The following SLA2 variants were observed in gnomAD, a reference collection of about 807,000 sequenced individuals.
SLA2 encodes the protein Src like adaptor 2, also known as src-like-adapter 2.
SLA2 carries 22 observed loss-of-function variants against 27.3 expected under a neutral mutation model. That is an observed-to-expected ratio of 0.81 (90% CI 0.58 to 1.15). The LOEUF (loss-of-function observed/expected upper bound fraction) is 1.15, where lower values mean the gene tolerates loss of function less well. Ranked by LOEUF, SLA2 falls within the 50% of genes most tolerant of loss-of-function variation. The probability of loss-of-function intolerance (pLI) is 0.00; values close to 1 mark genes in which losing one functional copy is unlikely to be tolerated. For missense variants in SLA2, 304 were observed against 322.2 expected, an observed-to-expected ratio of 0.94 and a Z score of 0.43; for synonymous variants, 131 against 137.8, an observed-to-expected ratio of 0.95 and a Z score of 0.34.
At chr20:36,614,504 C>A (rs2039184163) in intron 6 of SLA2, 67 bp from the exon 7 acceptor site, 10 of 1,528,920 alleles carry the variant, frequency 6.5e-6, no homozygotes, top group Admixed American at 4.1e-5. Flanking sequence ...AGCCCTCACC[C>A]TGACAGCCCT....
At chr20:36,632,490 C>A in intron 5 of SLA2, 105 bp downstream of exon 5, 1 of 857,138 alleles carries the variant, frequency 1.2e-6, no homozygotes, top group South Asian at 1.5e-5. Flanking sequence ...ACTGAGAAGT[C>A]AGGCAAAGCC....
chr20:36,640,782 G>T (rs2039498892), intron 2 of SLA2, among the ~76,000 whole-genome samples: 1 of 152,184 alleles, frequency 6.6e-6, no homozygotes, highest in African/African-American at 2.4e-5. Flanking sequence ...CTCCCAAAGT[G>T]CTGGGATTAC....
intron 2 of SLA2, among the ~76,000 whole-genome samples, chr20:36,639,125 C>T (rs1404800003): frequency 2.6e-5 from 4 of 152,186 alleles, no homozygotes; most frequent in South Asian, 2.1e-4. Flanking sequence ...GGATTACAGG[C>T]GTGAGCCACT....
Position 36,632,613 on chromosome 20 carries a change from C to T in SLA2, c.364G>A (p.Glu122Lys), listed in dbSNP as rs1041261337. Residue 122 changes from glutamate to lysine, a missense_variant, in exon 5 of 8, where the codon GAG becomes AAG. Physicochemically the swap from Glu to Lys is moderately conservative, Grantham distance 56. Coordinates refer to ENST00000262866, the MANE Select transcript of SLA2 (RefSeq NM_032214.4). Reference sequence around the variant, plus strand: ...TACTCACCTCTCCTGGTCTGGCTCTCCCGGATGAGGAAGGCCCCTCCAGGG... The same window carrying T: ...TACTCACCTCTCCTGGTCTGGCTCTTCCGGATGAGGAAGGCCCCTCCAGGG... ...GNPGGAFLIR[E>K]SQTRRGSYSL... is the part of the protein sequence containing the mutation. 34 of 1,614,012 alleles carry T rather than the reference C, an allele frequency of 2.1e-5. No homozygotes were observed. Among genetic ancestry groups the T allele is most frequent in the East Asian group, 6.7e-5 (3 of 44,896 alleles).
In SLA2 at chr20:36,613,094, C is replaced by T. The variant is rs1436802496; in HGVS notation, c.*772G>A. On this transcript the variant is annotated 3_prime_UTR_variant, in exon 8 of 8. Transcript: ENST00000262866. The stretch of plus-strand genomic sequence containing the variant: ...AATTAGCCAGGCATGGTGGTGTACG[C>T]CTGTAATCCCAGCTATTCTGGAGGC... 1 of 152,284 alleles carries T rather than the reference C, an allele frequency of 6.6e-6. No homozygotes were observed. The highest frequency in any genetic ancestry group is 2.4e-5 in the African/African-American group (1 of 41,460). The allele number at this position is 152,284 out of a possible 1,614,324, so 9.4% of individuals were successfully genotyped here.
At chr20:36,636,315 G>A (rs1476003833) in intron 2 of SLA2, among the ~76,000 whole-genome samples, 1 of 150,466 alleles carries the variant, frequency 6.6e-6, no homozygotes, top group Non-Finnish European at 1.5e-5. Context: ...CAGCTACTCG[G>A]GAGGCTGAGG....
intron 2 of SLA2, among the ~76,000 whole-genome samples, chr20:36,639,537 G>A (rs527548218): frequency 1.3e-5 from 2 of 152,166 alleles, no homozygotes; most frequent in South Asian, 4.2e-4. Flanking sequence ...AACAGACCTG[G>A]GGCCATAGTT....
intron 5 of SLA2, chr20:36,620,817 C>T (rs960357286): frequency 1.1e-5 from 2 of 185,058 alleles, no homozygotes; most frequent in African/African-American, 4.8e-5. Context: ...ATCCACCCGC[C>T]TAGGCCTCCC....
chr20:36,625,216 ATTTTTT>A (rs71186005), intron 5 of SLA2, among the ~76,000 whole-genome samples: 4 of 78,490 alleles, frequency 5.1e-5, no homozygotes, highest in East Asian at 7.9e-4. Flanking sequence ...ACGTACCCTG[ATTTTTT>A]TTTTTTTTTT....
At chr20:36,639,527 A>C (rs560210770) in intron 2 of SLA2, among the ~76,000 whole-genome samples, 10 of 152,238 alleles carry the variant, frequency 6.6e-5, no homozygotes, top group African/African-American at 2.2e-4. Flanking sequence ...GAGAAGAAGA[A>C]ACAGACCTGG....
chr20:36,617,003 T>C (rs2039220025), intron 5 of SLA2, among the ~76,000 whole-genome samples: 2 of 151,802 alleles, frequency 1.3e-5, no homozygotes, highest in South Asian at 2.1e-4. Flanking sequence ...TGAGCCGAGA[T>C]TGTGCCACTG....
chr20:36,634,724 T>C, intron 2 of SLA2, 135 bp from the exon 3 acceptor site: 1 of 512,834 alleles, frequency 1.9e-6, no homozygotes, highest in Non-Finnish European at 3.5e-6. Context: ...ATCCACTTCC[T>C]AAGAGGGCCA....
chr20:36,636,261 C>G (rs1377665511), intron 2 of SLA2, among the ~76,000 whole-genome samples: 1 of 144,264 alleles, frequency 6.9e-6, no homozygotes, highest in Non-Finnish European at 1.5e-5. Context: ...ACTAAAAATA[C>G]AAAAAAAAAA....
chr20:36,628,442 C>T (rs2039361097), intron 5 of SLA2, among the ~76,000 whole-genome samples: 1 of 152,176 alleles, frequency 6.6e-6, no homozygotes, highest in African/African-American at 2.4e-5. Flanking sequence ...CCCTGGCTAC[C>T]CATCAGAATC....
intron 5 of SLA2, among the ~76,000 whole-genome samples, chr20:36,621,703 T>C (rs1264093823): frequency 6.6e-6 from 1 of 151,530 alleles, no homozygotes; most frequent in Non-Finnish European, 1.5e-5. Flanking sequence ...AAATTAAAAT[T>C]TATTTTAAAA....
rs1568610988 is a variant in SLA2, at chr20:36,641,317, TG to T, written c.18del (p.Ser6ArgfsTer11). On this transcript the variant is annotated frameshift_variant, in exon 2 of 8. Transcript: ENST00000262866. LOFTEE classifies it high-confidence loss of function. Reference protein sequence around the residue: MGSLPSRRKSLPSPSL... With the variant: MGSLPXRRKSLPSPSL... ...CTTGGGCTTGGCAGAGATTTTCTTCTGCTGGGCAGACTTCCCATTGTTCCTC... is the reference window on the plus strand; with the variant it reads ...CTTGGGCTTGGCAGAGATTTTCTTCTCTGGGCAGACTTCCCATTGTTCCTC... 1 of 1,614,040 alleles carries T rather than the reference TG, an allele frequency of 6.2e-7. No homozygotes were observed. The highest frequency in any genetic ancestry group is 2.2e-5 in the East Asian group (1 of 44,852).
intron 2 of SLA2, among the ~76,000 whole-genome samples, chr20:36,636,800 T>C (rs911813895): frequency 6.7e-6 from 1 of 149,816 alleles, no homozygotes; most frequent in African/African-American, 2.5e-5. Context: ...ATACAAAAAT[T>C]AGCTGGGCTT....
At chr20:36,637,193 A>ATTTTTTT (rs1175945445) in intron 2 of SLA2, among the ~76,000 whole-genome samples, 2 of 87,966 alleles carry the variant, frequency 2.3e-5, no homozygotes, top group Non-Finnish European at 4.3e-5. Flanking sequence ...GCGTGTGTGT[A>ATTTTTTT]TTTTTTTTTT....
At chr20:36,636,629 T>A (rs1331734902) in intron 2 of SLA2, among the ~76,000 whole-genome samples, 1,856 of 111,036 alleles carry the variant, frequency 0.017, 39 homozygotes, top group African/African-American at 0.034. Flanking sequence ...AAAAAATATA[T>A]ATATATATAT....
Sources: allele counts gnomAD v4.1 joint callset (sites outside exome capture counted in the v4.1 genomes callset), GRCh38; gene constraint gnomAD v4.1.1; transcripts MANE v1.5; gene names NCBI Gene and HGNC (gene_info 2026-07-23, HGNC 2026-07-21).